The following OSBPL7 variants were observed in gnomAD, a reference collection of about 807,000 sequenced individuals.
The protein encoded by OSBPL7 is oxysterol binding protein like 7.
Under a neutral mutation model 115.8 loss-of-function variants are expected in OSBPL7, and 66 were observed. That is an observed-to-expected ratio of 0.57 (90% confidence interval 0.47 to 0.70). The LOEUF (loss-of-function observed/expected upper bound fraction) is 0.70. OSBPL7 is among the 30% of genes least tolerant of loss of function. The pLI is 0.00. For missense variants in OSBPL7, 902 were observed against 1,125.5 expected (o/e 0.80, Z 2.84); for synonymous variants, 441 against 439.2 (o/e 1.00, Z -0.05).
At chr17:47,815,384 C>T (rs767558257) in intron 12 of OSBPL7, 32 bp from the exon 13 acceptor site, 22 of 1,611,334 alleles carry the variant, frequency 1.4e-5, no homozygotes, top group East Asian at 2.2e-5. Context: ...TGTCAGGCTC[C>T]GGGGCCAAGC....
At chr17:47,819,668 C>T (rs2033335618) in intron 4 of OSBPL7, 61 bp downstream of exon 4, 2 of 1,593,712 alleles carry the variant, frequency 1.3e-6, no homozygotes, top group Non-Finnish European at 1.7e-6. Context: ...TACCCCATGC[C>T]TGCCCAGGGC....
rs956974723 is a variant in OSBPL7, at chr17:47,808,273, C to T, written c.*18G>A. 3.1e-6 allele frequency: 5 copies of T among 1,588,156 alleles called. No homozygotes were observed. Among genetic ancestry groups the T allele is most frequent in the Non-Finnish European group, 3.5e-6 (4 of 1,158,270 alleles). On this transcript the variant is annotated 3_prime_UTR_variant, in exon 23 of 23. Coordinates refer to ENST00000007414, the MANE Select transcript of OSBPL7 (RefSeq NM_145798.3). The surrounding 1 kb of genome is among the most constrained non-coding windows in gnomAD (Gnocchi z 6.1). ...AGGAGGAGTGAGGAACCAGAGCCTC[C>T]TGCCCCCGGGGCCAGGGCTACCAGA...
intron 7 of OSBPL7, 84 bp downstream of exon 7, chr17:47,818,185 G>T: frequency 8.4e-7 from 1 of 1,197,556 alleles, no homozygotes; most frequent in Non-Finnish European, 1.2e-6. Flanking sequence ...GCTCCCTGAG[G>T]CAGGGATGGA....
intron 7 of OSBPL7, 73 bp from the exon 8 acceptor site, chr17:47,817,432 C>A: frequency 9.1e-7 from 1 of 1,096,020 alleles, no homozygotes; most frequent in South Asian, 1.4e-5. Context: ...TCTTGTTGCC[C>A]AGGCTAGAGT....
intron 18 of OSBPL7, 94 bp downstream of exon 18, chr17:47,810,497 CCTA>C: frequency 9.3e-7 from 1 of 1,080,108 alleles, no homozygotes; most frequent in South Asian, 1.3e-5. Context: ...GCCAGACCTT[CCTA>C]TCCCGTCCTT....
chr17:47,811,463 A>C, intron 16 of OSBPL7, among the ~76,000 whole-genome samples: 1 of 151,440 alleles, frequency 6.6e-6, no homozygotes, highest in African/African-American at 2.4e-5. Flanking sequence ...ACCTTCAGCC[A>C]CCTCCCCCAC....
rs2032927155 is a variant in OSBPL7 at position 47,808,459 on chromosome 17, A to G, written c.2421-60T>C. On this transcript the variant is annotated intron_variant, in intron 22 of 22. Transcript: ENST00000007414. The surrounding 1 kb of genome is among the most constrained non-coding windows in gnomAD (Gnocchi z 6.1). ...CATCTAGAAGGCAGGCTAGGGTCCT[A>G]AGGTGCTGCCTCCCACACCTGCCCT... 1 of 1,613,684 alleles carries G rather than the reference A, an allele frequency of 6.2e-7. No individual in the cohort carries two copies. The highest frequency in any genetic ancestry group is 8.5e-7 in the Non-Finnish European group (1 of 1,179,624).
chr17:47,821,382 C>T (rs1386296003), intron 1 of OSBPL7, among the ~76,000 whole-genome samples: 1 of 152,194 alleles, frequency 6.6e-6, no homozygotes, highest in Non-Finnish European at 1.5e-5. Flanking sequence ...GGGACCCTTG[C>T]TGCAAGAGGC....
rs769187916 is a variant in OSBPL7 at position 47,809,133 on chromosome 17, A to T, written c.2113T>A (p.Trp705Arg). 6.2e-7 allele frequency: 1 copy of T among 1,614,102 alleles called. No homozygotes were observed. Among genetic ancestry groups the T allele is most frequent in the Non-Finnish European group, 8.5e-7 (1 of 1,180,024 alleles). Residue 705 changes from tryptophan to arginine, a missense_variant, in exon 20 of 23, where the codon TGG becomes AGG. Trp to Arg is a moderately radical substitution (Grantham distance 101, BLOSUM62 -3). Coordinates refer to ENST00000007414, the MANE Select transcript of OSBPL7 (RefSeq NM_145798.3). ...GRVLHRLFGK[W>R]HEGLYRGPTP... ...GGTCCCCGGTACAGCCCCTCGTGCC[A>T]CTTCCCAAAGAGTCGGTGGAGGACA...
rs1598028663 is a variant in OSBPL7 at position 47,820,363 on chromosome 17, G to T, written c.-85C>A. 2 of 1,360,790 alleles carry T rather than the reference G, an allele frequency of 1.5e-6. No individual in the cohort carries two copies. The highest frequency in any genetic ancestry group is 1.0e-6 in the Non-Finnish European group (1 of 996,352). The allele number at this position is 1,360,790 out of a possible 1,614,324, so 84.3% of individuals were successfully genotyped here. ...AAGGATGTCACCTGCTCCTGACGGG[G>T]TCCTTGAAGCAAGAGAAAGACCCCC... On this transcript the variant is annotated splice_region_variant and 5_prime_UTR_variant, in exon 2 of 23. Coordinates refer to ENST00000007414, the MANE Select transcript of OSBPL7 (RefSeq NM_145798.3).
At position 47,817,497 on chromosome 17, in the gene OSBPL7, C is replaced by G. The variant is rs141696599; in HGVS notation, c.599-138G>C. 2,365 of 592,796 alleles carry G rather than the reference C, an allele frequency of 4.0e-3. 7 individuals carry two copies. Among genetic ancestry groups the G allele is most frequent in the Middle Eastern group, 8.8e-3 (21 of 2,388 alleles). 36.7% of individuals were successfully genotyped at this position (592,796 alleles called of 1,614,324 possible). A position where few individuals can be genotyped will look rare whatever the true frequency, so the allele number is the denominator to read the frequency against. ...CTCTGCCTCCCAGGTTCAAGTGATTCTCCTGCCTCAGCCTCCCGAGTAGCT... is the reference window on the plus strand; with the variant it reads ...CTCTGCCTCCCAGGTTCAAGTGATTGTCCTGCCTCAGCCTCCCGAGTAGCT... On this transcript the variant is annotated intron_variant, in intron 7 of 22. Coordinates refer to ENST00000007414, the MANE Select transcript of OSBPL7 (RefSeq NM_145798.3).
At position 47,816,415 on chromosome 17, in the gene OSBPL7, G is replaced by A. The variant is rs201929169; in HGVS notation, c.996C>T (p.His332=). 1.2e-5 allele frequency: 19 copies of A among 1,535,884 alleles called. No homozygotes were observed. The African/African-American group carries it at 2.2e-4, about 18-fold the overall frequency. The change falls in exon 11 of 23, where the codon CAC becomes CAT. Residue 332 remains histidine, a synonymous_variant. Coordinates refer to ENST00000007414, the MANE Select transcript of OSBPL7 (RefSeq NM_145798.3). The surrounding 1 kb of genome is among the most constrained non-coding windows in gnomAD (Gnocchi z 5.8). The stretch of plus-strand genomic sequence containing the variant: ...CCATTCTTGACAACTCTGAGCCCTG[G>A]TGCATGTCCCTCAGTTGGTCCCGTT... ...TMERDQLRDM[H]QGSELSRMGV... is the part of the protein sequence containing the mutation.
At position 47,817,363 on chromosome 17, in the gene OSBPL7, C is replaced by T. The variant is rs763118575; in HGVS notation, c.599-4G>A. On this transcript the variant is annotated splice_polypyrimidine_tract_variant and splice_region_variant and intron_variant, in intron 7 of 22. Coordinates refer to ENST00000007414, the MANE Select transcript of OSBPL7 (RefSeq NM_145798.3). ...TTCCCCTGACACTCAGAGAGCTCTG[C>T]GGGGAAAAAGAACAAGAACAAGAAC... The T allele has an allele frequency of 1.6e-5, 25 of 1,592,892 alleles. No individual in the cohort carries two copies. The highest frequency in any genetic ancestry group is 4.1e-5 in the African/African-American group (3 of 73,654).
In OSBPL7 at chr17:47,815,400, G is replaced by T. The variant is rs1453309035; in HGVS notation, c.1120-48C>A. Reference sequence around the variant, plus strand: ...GTCAGGCTCCGGGGCCAAGCCGGGGGGATCAAGCAGGGCACCCGCTTGCCT... The same window carrying T: ...GTCAGGCTCCGGGGCCAAGCCGGGGTGATCAAGCAGGGCACCCGCTTGCCT... On this transcript the variant is annotated intron_variant, in intron 12 of 22. Transcript: ENST00000007414. The T allele has an allele frequency of 2.5e-6, 4 of 1,606,766 alleles. No individual in the cohort carries two copies. The East Asian group carries it at 6.7e-5, about 27-fold the overall frequency.
rs371455789 is a variant in OSBPL7, at chr17:47,816,699, T to C, written c.796-4A>G. On this transcript the variant is annotated splice_polypyrimidine_tract_variant and splice_region_variant and intron_variant, in intron 9 of 22. Coordinates refer to ENST00000007414, the MANE Select transcript of OSBPL7 (RefSeq NM_145798.3). The surrounding 1 kb of genome is among the most constrained non-coding windows in gnomAD (Gnocchi z 5.8). ...CAGAGCCATGGAGACGACCAACCTG[T>C]AGGTGAAGGGGAAGGGCTGAAGGGG... The C allele has an allele frequency of 1.9e-5, 30 of 1,613,746 alleles. No homozygotes were observed. The highest frequency in any genetic ancestry group is 2.5e-5 in the Non-Finnish European group (30 of 1,179,958).
chr17:47,811,597 A>G (rs1242972162), intron 16 of OSBPL7, among the ~76,000 whole-genome samples: 1 of 152,194 alleles, frequency 6.6e-6, no homozygotes, highest in Non-Finnish European at 1.5e-5. Context: ...TGGGGCCTTG[A>G]CATCCCTCAC....
rs969839949 is a variant in OSBPL7 at position 47,815,405 on chromosome 17, A to G, written c.1120-53T>C. On this transcript the variant is annotated intron_variant, in intron 12 of 22. Coordinates refer to ENST00000007414, the MANE Select transcript of OSBPL7 (RefSeq NM_145798.3). ...GCTCCGGGGCCAAGCCGGGGGGATC[A>G]AGCAGGGCACCCGCTTGCCTGACAG... 48 of 1,605,910 alleles carry G rather than the reference A, an allele frequency of 3.0e-5. 1 individual carries two copies. The highest frequency in any genetic ancestry group is 2.7e-4 in the South Asian group (24 of 90,380).
intron 6 of OSBPL7, 21 bp downstream of exon 6, chr17:47,818,485 C>T (rs1028086183): frequency 6.3e-7 from 1 of 1,589,058 alleles, no homozygotes; most frequent in African/African-American, 1.3e-5. Context: ...TTACCTGCCC[C>T]CACCCCAGGG....
At position 47,820,106 on chromosome 17, in the gene OSBPL7, A is replaced by G; in HGVS notation, c.76-10T>C. 1.2e-6 allele frequency: 2 copies of G among 1,612,964 alleles called. No homozygotes were observed. The highest frequency in any genetic ancestry group is 2.2e-5 in the South Asian group (2 of 91,040). ...CCCACAGCTCAGAGGCCTGCAGTCC[A>G]GGACAGAGGGAGGGGAGCACTGGTG... On this transcript the variant is annotated splice_polypyrimidine_tract_variant and intron_variant, in intron 2 of 22. Coordinates refer to ENST00000007414, the MANE Select transcript of OSBPL7 (RefSeq NM_145798.3).
Sources: allele counts gnomAD v4.1 joint callset (sites outside exome capture counted in the v4.1 genomes callset), GRCh38; gene constraint gnomAD v4.1.1; non-coding constraint Gnocchi (gnomAD v3.1); transcripts MANE v1.5; gene names NCBI Gene and HGNC (gene_info 2026-07-23, HGNC 2026-07-21).